The following CCDC88C variants were observed in gnomAD, a reference collection of about 807,000 sequenced individuals.
The protein encoded by CCDC88C is protein Daple.
In CCDC88C, 131 loss-of-function variants were observed where a neutral mutation model predicts 198.8. The ratio of observed to expected loss-of-function variants is 0.66; its 90% CI spans 0.57 to 0.76. The LOEUF (loss-of-function observed/expected upper bound fraction) is 0.76. Ranked by LOEUF, CCDC88C falls within the 30% of genes least tolerant of loss-of-function variation. The pLI, the probability that CCDC88C is intolerant of heterozygous loss-of-function variation, is 0.00. For missense variants in CCDC88C, 2,553 were observed against 2,631.6 expected (o/e 0.97, Z 0.65); for synonymous variants, 1,166 against 1,114.7 (o/e 1.05, Z -0.92).
intron 25 of CCDC88C, among the ~76,000 whole-genome samples, chr14:91,283,971 T>C (rs779011194): frequency 7.2e-5 from 11 of 152,206 alleles, no homozygotes; most frequent in South Asian, 2.1e-4. Flanking sequence ...TAGAAGTTTA[T>C]TGCTAACCTC....
chr14:91,309,235 A>G (rs114765099), intron 16 of CCDC88C, among the ~76,000 whole-genome samples: 2,312 of 152,306 alleles, frequency 0.015, 43 homozygotes, highest in African/African-American at 0.053. Context: ...TTCGTCTCAA[A>G]ACAACAACAA....
intron 4 of CCDC88C, among the ~76,000 whole-genome samples, chr14:91,347,652 T>C (rs1364590741): frequency 6.6e-6 from 1 of 152,104 alleles, no homozygotes; most frequent in Non-Finnish European, 1.5e-5. Flanking sequence ...TCACACCAGT[T>C]AGAATGGCGA....
chr14:91,366,938 G>A (rs1367622562), intron 3 of CCDC88C, among the ~76,000 whole-genome samples: 7 of 152,330 alleles, frequency 4.6e-5, no homozygotes, highest in South Asian at 2.1e-4. Flanking sequence ...CATTTTCTCC[G>A]CAGGTGGGAG....
intron 16 of CCDC88C, among the ~76,000 whole-genome samples, chr14:91,309,470 G>A (rs932446032): frequency 2.6e-5 from 4 of 151,926 alleles, no homozygotes; most frequent in Non-Finnish European, 4.4e-5. Flanking sequence ...CAGGTGTGGC[G>A]GTGCATGCCT....
Position 91,341,980 on chromosome 14 carries a change from A to C in CCDC88C, c.483+400T>G, listed in dbSNP as rs936496704. Among the ~76,000 whole-genome samples the C allele has an allele frequency of 3.3e-5, 5 of 152,238 alleles. No individual in the cohort carries two copies. The South Asian group carries it at 6.2e-4, about 19-fold the overall frequency. On this transcript the variant is annotated intron_variant, in intron 6 of 29. Coordinates refer to ENST00000389857, the MANE Select transcript of CCDC88C (RefSeq NM_001080414.4). ...GCCATGTCACTGACAGAAGCAGAGA[A>C]TCTCTCTATTCTATAAAGATCAACT...
In CCDC88C at chr14:91,417,731, G is replaced by C; in HGVS notation, c.-41C>G. The stretch of plus-strand genomic sequence containing the variant: ...GCCGGCTCCGCGCCCCCCGCCCCGC[G>C]TCCCCGTTCCCCCGCGCCGCGGCAC... On this transcript the variant is annotated 5_prime_UTR_variant, in exon 1 of 30. Coordinates refer to ENST00000389857, the MANE Select transcript of CCDC88C (RefSeq NM_001080414.4). 3.4e-6 allele frequency: 5 copies of C among 1,457,920 alleles called. No homozygotes were observed. Among genetic ancestry groups the C allele is most frequent in the Non-Finnish European group, 3.6e-6 (4 of 1,098,644 alleles). 90.3% of individuals were successfully genotyped at this position (1,457,920 alleles called of 1,614,324 possible).
chr14:91,417,379 C>G, intron 1 of CCDC88C: 1 of 586,132 alleles, frequency 1.7e-6, no homozygotes. Flanking sequence ...ACAGGTGTAC[C>G]CGCCCGGCTC....
chr14:91,386,076 C>A (rs990759227), intron 3 of CCDC88C, among the ~76,000 whole-genome samples: 1 of 152,106 alleles, frequency 6.6e-6, no homozygotes, highest in African/African-American at 2.4e-5. Flanking sequence ...GACAATACTT[C>A]CTGAACCATC....
intron 3 of CCDC88C, among the ~76,000 whole-genome samples, chr14:91,387,055 T>A (rs1382901055): frequency 1.3e-5 from 2 of 152,230 alleles, no homozygotes; most frequent in Non-Finnish European, 2.9e-5. Flanking sequence ...ACTTTATGAA[T>A]GTGGAAAATG....
intron 24 of CCDC88C, 56 bp downstream of exon 24, chr14:91,290,939 C>T (rs931204434): frequency 9.0e-7 from 1 of 1,112,900 alleles, no homozygotes; most frequent in Non-Finnish European, 1.3e-6. Flanking sequence ...ACCCTGTGCA[C>T]AGAAAAGGAA....
Position 91,325,529 on chromosome 14 carries a change from G to C in CCDC88C, c.1197+381C>G, listed in dbSNP as rs1363758393. ...AACAAACCCAGTAGCTAAACTATCA[G>C]AGAAGGGCACGCCATAAACCTGAAC... On this transcript the variant is annotated intron_variant, in intron 11 of 29. Coordinates refer to ENST00000389857, the MANE Select transcript of CCDC88C (RefSeq NM_001080414.4). The surrounding 1 kb of genome is among the most constrained non-coding windows in gnomAD (Gnocchi z 4.1). Among the ~76,000 whole-genome samples the C allele has an allele frequency of 6.6e-6, 1 of 152,184 alleles. No homozygotes were observed. The highest frequency in any genetic ancestry group is 1.5e-5 in the Non-Finnish European group (1 of 68,018).
chr14:91,319,659 T>C (rs150687059), intron 13 of CCDC88C, among the ~76,000 whole-genome samples: 7 of 152,334 alleles, frequency 4.6e-5, no homozygotes, highest in Admixed American at 1.3e-4. Flanking sequence ...TCTCTTTTTA[T>C]TGAGTGCTTA....
intron 10 of CCDC88C, among the ~76,000 whole-genome samples, chr14:91,333,412 CAGAT>C (rs1398918544): frequency 6.6e-6 from 1 of 152,154 alleles, no homozygotes; most frequent in Non-Finnish European, 1.5e-5. Context: ...TTTTTCCTAA[CAGAT>C]TGAGTTGGTG....
At chr14:91,297,730 C>G (rs982942309) in intron 21 of CCDC88C, among the ~76,000 whole-genome samples, 1 of 152,138 alleles carries the variant, frequency 6.6e-6, no homozygotes, top group South Asian at 2.1e-4. Context: ...TGCCACTACA[C>G]TGAGCCTCCA....
intron 3 of CCDC88C, among the ~76,000 whole-genome samples, chr14:91,385,516 C>T (rs777259567): frequency 6.6e-6 from 1 of 152,218 alleles, no homozygotes; most frequent in Non-Finnish European, 1.5e-5. Context: ...TGAGGGTTTC[C>T]GTGCCCACTT....
chr14:91,325,756 T>A lies in CCDC88C; in HGVS notation c.1197+154A>T, dbSNP rs1353528133. On this transcript the variant is annotated intron_variant, in intron 11 of 29. Coordinates refer to ENST00000389857, the MANE Select transcript of CCDC88C (RefSeq NM_001080414.4). The surrounding 1 kb of genome is among the most constrained non-coding windows in gnomAD (Gnocchi z 4.1). Reference sequence around the variant, plus strand: ...ACCATGCCCAATTATTTAGTTTTCGTAGAGATGGGGCCTCGCTAGGTTGCC... The same window carrying A: ...ACCATGCCCAATTATTTAGTTTTCGAAGAGATGGGGCCTCGCTAGGTTGCC... Among the ~76,000 whole-genome samples the A allele has an allele frequency of 1.3e-5, 2 of 152,122 alleles. No homozygotes were observed. Among genetic ancestry groups the A allele is most frequent in the African/African-American group, 4.8e-5 (2 of 41,414 alleles).
At chr14:91,311,598 T>A (rs1567067712) in intron 15 of CCDC88C, among the ~76,000 whole-genome samples, 1 of 152,236 alleles carries the variant, frequency 6.6e-6, no homozygotes, top group Non-Finnish European at 1.5e-5. Context: ...CTCCAGCGCC[T>A]GGCTTCTCCC....
rs570761638 is a variant in CCDC88C, at chr14:91,310,099, C to T, written c.2737-113G>A. ...TGTCCTCCCGGGCCACGGCTGCCTC[C>T]GTGTGGAGCGAGGGGACTCTGAACC... is the stretch of plus-strand genomic sequence containing the variant. On this transcript the variant is annotated intron_variant, in intron 15 of 29. Transcript: ENST00000389857. 134 of 1,096,564 alleles carry T rather than the reference C, an allele frequency of 1.2e-4. 1 individual carries two copies. Among genetic ancestry groups the T allele is most frequent in the African/African-American group, 1.0e-3 (65 of 63,460 alleles). 67.9% of individuals were successfully genotyped at this position (1,096,564 alleles called of 1,614,324 possible).
At position 91,291,138 on chromosome 14, in the gene CCDC88C, G is replaced by A. The variant is rs1222857917; in HGVS notation, c.4113-54C>T. 22 of 1,049,844 alleles carry A rather than the reference G, an allele frequency of 2.1e-5. No homozygotes were observed. In the East Asian group the frequency reaches 2.8e-4, roughly 13 times the overall value. 65.0% of individuals were successfully genotyped at this position (1,049,844 alleles called of 1,614,324 possible). On this transcript the variant is annotated intron_variant, in intron 23 of 29. Transcript: ENST00000389857. The stretch of plus-strand genomic sequence containing the variant: ...CAATCCAGTTTTAAATCAAACAAGT[G>A]AATTTACTCATCGGCCCAGCCTGGA...
Sources: gnomAD v4.1 joint callset for allele counts (sites outside exome capture counted in the v4.1 genomes callset) on GRCh38, gnomAD v4.1.1 for gene constraint, Gnocchi (gnomAD v3.1) non-coding constraint, MANE v1.5 for transcripts, NCBI Gene and HGNC (gene_info 2026-07-23, HGNC 2026-07-21) for gene names.